Variants in GRM7 observed in about 807,000 individuals in gnomAD.
GRM7 encodes glutamate metabotropic receptor 7.
Under a neutral mutation model 84.5 loss-of-function variants are expected in GRM7, and 35 were observed. That is an observed-to-expected ratio of 0.41 (90% CI 0.32 to 0.55). The LOEUF (loss-of-function observed/expected upper bound fraction) is 0.55, where lower values mean the gene tolerates loss of function less well. Ranked by LOEUF, GRM7 falls within the 20% of genes least tolerant of loss-of-function variation. GRM7 has a pLI of 0.19. For missense variants in GRM7, 1,003 were observed against 1,194.6 expected (o/e 0.84, Z 2.36); for synonymous variants, 487 against 455.1 (o/e 1.07, Z -0.89).
chr3:7,158,496 C>T (rs62234880), intron 2 of GRM7, among the ~76,000 whole-genome samples: 38,318 of 151,962 alleles, frequency 0.25, 5,375 homozygotes, highest in Non-Finnish European at 0.32. Flanking sequence ...GTCTCCCCAC[C>T]CTACTCCATG....
intron 4 of GRM7, among the ~76,000 whole-genome samples, chr3:7,327,617 T>C (rs1186601076): frequency 1.3e-5 from 2 of 152,242 alleles, no homozygotes; most frequent in East Asian, 3.8e-4. Flanking sequence ...TGCCACTCCC[T>C]AGTATAAAGT....
intron 2 of GRM7, among the ~76,000 whole-genome samples, chr3:7,183,789 C>G (rs1225067884): frequency 6.6e-6 from 1 of 152,032 alleles, no homozygotes; most frequent in Non-Finnish European, 1.5e-5. Flanking sequence ...AGCAGACGAT[C>G]ATAAATACTA....
intron 1 of GRM7, among the ~76,000 whole-genome samples, chr3:7,086,496 G>C (rs889160021): frequency 6.6e-6 from 1 of 152,134 alleles, no homozygotes; most frequent in African/African-American, 2.4e-5. Context: ...GAAGGCAAAA[G>C]TGAAGAATGT....
intron 4 of GRM7, among the ~76,000 whole-genome samples, chr3:7,407,388 A>G (rs1695727134): frequency 1.3e-5 from 2 of 152,232 alleles, no homozygotes; most frequent in Admixed American, 1.3e-4. Flanking sequence ...TATGTGGGCC[A>G]TTAAGCTCAC....
intron 1 of GRM7, among the ~76,000 whole-genome samples, chr3:7,138,679 T>C (rs1559464907): frequency 6.6e-6 from 1 of 151,892 alleles, no homozygotes; most frequent in African/African-American, 2.4e-5. Context: ...TAGTTTTTTT[T>C]CACAATTTCT....
At chr3:7,080,109 A>G (rs966428440) in intron 1 of GRM7, among the ~76,000 whole-genome samples, 3 of 151,768 alleles carry the variant, frequency 2.0e-5, no homozygotes, top group African/African-American at 7.3e-5. Context: ...TAGTGTCTTT[A>G]TTTCTCTCCT....
chr3:6,898,434 C>T (rs916917000), intron 1 of GRM7, among the ~76,000 whole-genome samples: 19 of 147,160 alleles, frequency 1.3e-4, no homozygotes, highest in African/African-American at 4.8e-4. Flanking sequence ...GGGCAGAGCA[C>T]GTGGTAGAAA....
At chr3:7,459,206 G>T (rs956273395) in intron 6 of GRM7, among the ~76,000 whole-genome samples, 1 of 152,126 alleles carries the variant, frequency 6.6e-6, no homozygotes, top group Non-Finnish European at 1.5e-5. Context: ...AAATTGGTGG[G>T]ACCAAAGCAG....
chr3:7,083,128 T>C (rs1234280818), intron 1 of GRM7, among the ~76,000 whole-genome samples: 1 of 152,120 alleles, frequency 6.6e-6, no homozygotes, highest in East Asian at 1.9e-4. Flanking sequence ...TTAAACAGCA[T>C]TGCATGCTAC....
chr3:7,243,592 T>C (rs949683958), intron 2 of GRM7, among the ~76,000 whole-genome samples: 4 of 152,166 alleles, frequency 2.6e-5, no homozygotes, highest in African/African-American at 9.6e-5. Flanking sequence ...AACCAATCAC[T>C]ATTCTCAGGA....
At chr3:7,563,595 C>T (rs1055597264) in intron 7 of GRM7, among the ~76,000 whole-genome samples, 2 of 151,932 alleles carry the variant, frequency 1.3e-5, no homozygotes, top group African/African-American at 2.4e-5. Context: ...AAATGACAGC[C>T]GAAAGGTTAA....
intron 9 of GRM7, among the ~76,000 whole-genome samples, chr3:7,700,275 A>G (rs1431501653): frequency 1.3e-5 from 2 of 152,220 alleles, no homozygotes. Flanking sequence ...TCTGGTCTCA[A>G]TGACAGCCAG....
At chr3:7,284,285 C>CT (rs1553642100) in intron 2 of GRM7, among the ~76,000 whole-genome samples, 12 of 131,052 alleles carry the variant, frequency 9.2e-5, no homozygotes, top group African/African-American at 2.6e-4. Context: ...CATGCTCACT[C>CT]GTGTGTGTGT....
At chr3:7,669,786 C>T (rs533762009) in intron 8 of GRM7, among the ~76,000 whole-genome samples, 2 of 152,294 alleles carry the variant, frequency 1.3e-5, no homozygotes, top group South Asian at 2.1e-4. Flanking sequence ...TCAGCTCCTA[C>T]GCCTGGCCAG....
At chr3:7,487,130 G>T (rs147098024) in intron 7 of GRM7, among the ~76,000 whole-genome samples, 1 of 152,156 alleles carries the variant, frequency 6.6e-6, no homozygotes, top group Admixed American at 6.5e-5. Context: ...AAGGCAGAAC[G>T]TAAGAGTGAT....
At chr3:7,110,828 C>A (rs958765184) in intron 1 of GRM7, among the ~76,000 whole-genome samples, 4 of 151,914 alleles carry the variant, frequency 2.6e-5, no homozygotes, top group African/African-American at 9.7e-5. Flanking sequence ...TTGACAAGAT[C>A]TGCAGTGGAG....
intron 8 of GRM7, among the ~76,000 whole-genome samples, chr3:7,656,370 C>T (rs895143362): frequency 2.6e-5 from 4 of 151,812 alleles, no homozygotes; most frequent in Non-Finnish European, 5.9e-5. Context: ...GTGGCGTGCA[C>T]CTGTAGTCCC....
At chr3:7,079,404 A>G (rs1698205279) in intron 1 of GRM7, among the ~76,000 whole-genome samples, 1 of 152,206 alleles carries the variant, frequency 6.6e-6, no homozygotes, top group South Asian at 2.1e-4. Context: ...CAGAAGTCCA[A>G]GATAGGATTA....
intron 9 of GRM7, chr3:7,686,494 C>T (rs1700590987): frequency 2.5e-6 from 2 of 815,210 alleles, no homozygotes; most frequent in South Asian, 1.5e-5. Context: ...TTCTTGTCTC[C>T]AATGAGAATT....
Sources: gnomAD v4.1 joint callset for allele counts (sites outside exome capture counted in the v4.1 genomes callset) on GRCh38, gnomAD v4.1.1 for gene constraint, MANE v1.5 for transcripts, NCBI Gene and HGNC (gene_info 2026-07-23, HGNC 2026-07-21) for gene names.